PAFAH1B1: variants seen among roughly 807,000 people sequenced by gnomAD.
PAFAH1B1 encodes the protein platelet-activating factor acetylhydrolase IB subunit beta.
Under a neutral mutation model 57.5 loss-of-function variants are expected in PAFAH1B1, and 2 were observed. That is an observed-to-expected ratio of 0.03 (90% CI 0.01 to 0.11). The LOEUF is 0.11. Ranked by LOEUF, PAFAH1B1 falls within the 10% of genes least tolerant of loss-of-function variation. PAFAH1B1 has a pLI of 1.00. For synonymous variants in PAFAH1B1, 152 were observed against 169.6 expected (o/e 0.90, Z 0.81); for missense variants, 257 against 512.0 (o/e 0.50, Z 4.81).
intron 1 of PAFAH1B1, among the ~76,000 whole-genome samples, chr17:2,615,834 T>G (rs1420639065): frequency 6.6e-6 from 1 of 152,154 alleles, no homozygotes; most frequent in African/African-American, 2.4e-5. Flanking sequence ...ACCTAACATG[T>G]TTGATCAGTC....
intron 6 of PAFAH1B1, 125 bp downstream of exon 6, chr17:2,670,456 A>G: frequency 1.1e-6 from 1 of 946,202 alleles, no homozygotes; most frequent in Non-Finnish European, 1.7e-6. Flanking sequence ...GTGGAAGAGC[A>G]TACCATGTAG....
chr17:2,675,675 A>G (rs1159601639), intron 8 of PAFAH1B1, among the ~76,000 whole-genome samples: 1 of 151,588 alleles, frequency 6.6e-6, no homozygotes, highest in African/African-American at 2.4e-5. Flanking sequence ...CTAATGACGG[A>G]AAAAATTTTC....
At chr17:2,655,119 C>T (rs763438516) in intron 2 of PAFAH1B1, among the ~76,000 whole-genome samples, 1 of 150,318 alleles carries the variant, frequency 6.7e-6, no homozygotes, top group East Asian at 1.9e-4. Flanking sequence ...TTTTTTTATT[C>T]TTTGGAAATT....
chr17:2,662,378 TTG>T (rs57918293), intron 2 of PAFAH1B1, among the ~76,000 whole-genome samples: 9,738 of 123,470 alleles, frequency 0.079, 341 homozygotes, highest in East Asian at 0.1. Flanking sequence ...TTTAACCTCT[TTG>T]TGTGTGTGTG....
intron 1 of PAFAH1B1, among the ~76,000 whole-genome samples, chr17:2,594,790 C>G (rs1386651885): frequency 6.6e-6 from 1 of 152,250 alleles, no homozygotes; most frequent in Non-Finnish European, 1.5e-5. Flanking sequence ...TCCCCTTCGT[C>G]TAATCTCATC....
intron 10 of PAFAH1B1, among the ~76,000 whole-genome samples, chr17:2,680,529 A>G (rs1299956548): frequency 2.0e-5 from 3 of 152,174 alleles, no homozygotes; most frequent in African/African-American, 4.8e-5. Context: ...TATAATAAAA[A>G]CATTACTTTC....
At chr17:2,679,468 G>A (rs12947700) in intron 9 of PAFAH1B1, among the ~76,000 whole-genome samples, 1 of 3,026 alleles carries the variant, frequency 3.3e-4, no homozygotes, top group Non-Finnish European at 1.2e-3. Flanking sequence ...TTGGATGGAT[G>A]GATGGATGAT....
At chr17:2,678,644 T>G (rs2069314028) in intron 9 of PAFAH1B1, among the ~76,000 whole-genome samples, 1 of 152,076 alleles carries the variant, frequency 6.6e-6, no homozygotes, top group Non-Finnish European at 1.5e-5. Context: ...TCCCAGGACT[T>G]TGGGAGGCCA....
intron 2 of PAFAH1B1, chr17:2,641,959 T>C (rs2068701105): frequency 6.6e-6 from 1 of 152,218 alleles, no homozygotes; most frequent in Non-Finnish European, 1.5e-5. Context: ...TAGTTTTGGT[T>C]GTTAGCAACA....
chr17:2,597,945 A>T (rs1159542676), intron 1 of PAFAH1B1, among the ~76,000 whole-genome samples: 1 of 152,026 alleles, frequency 6.6e-6, no homozygotes, highest in Non-Finnish European at 1.5e-5. Flanking sequence ...GAAATTGTCA[A>T]CATTAAGATG....
At chr17:2,658,003 T>C (rs3785958) in intron 2 of PAFAH1B1, among the ~76,000 whole-genome samples, 16,619 of 152,266 alleles carry the variant, frequency 0.11, 1,270 homozygotes, top group African/African-American at 0.22. Flanking sequence ...TGACTTTGCC[T>C]TATGAGTTTT....
At position 2,613,581 on chromosome 17, in the gene PAFAH1B1, G is replaced by A. The variant is rs554857059; in HGVS notation, c.-191+19575G>A. 148 of 281,802 alleles carry A rather than the reference G, an allele frequency of 5.3e-4. No individual in the cohort carries two copies. Among genetic ancestry groups the A allele is most frequent in the South Asian group, 3.7e-3 (35 of 9,446 alleles). The allele number at this position is 281,802 out of a possible 1,614,324, so 17.5% of individuals were successfully genotyped here. A position where few individuals can be genotyped will look rare whatever the true frequency, so the allele number is the denominator to read the frequency against. On this transcript the variant is annotated intron_variant, in intron 1 of 10. Transcript: ENST00000397195. ...AGCTTCAACCCCGTGGTGGTCAGCG[G>A]GTGCTCCCCCGTCAGCAGTGGCAGG... is the stretch of plus-strand genomic sequence containing the variant.
intron 2 of PAFAH1B1, among the ~76,000 whole-genome samples, chr17:2,662,838 C>T (rs2069036741): frequency 6.6e-6 from 1 of 152,142 alleles, no homozygotes; most frequent in East Asian, 1.9e-4. Context: ...AGGCCAGGTA[C>T]AGTGGCTAAC....
At chr17:2,623,563 A>G (rs1448141901) in intron 1 of PAFAH1B1, among the ~76,000 whole-genome samples, 2 of 147,200 alleles carry the variant, frequency 1.4e-5, no homozygotes, top group African/African-American at 5.0e-5. Context: ...TGGCCAAAAA[A>G]TGTTGTTTTT....
At chr17:2,594,057 G>GGGCGGCTGCAGGCCGGACCC in intron 1 of PAFAH1B1, 51 bp downstream of exon 1, 1 of 397,960 alleles carries the variant, frequency 2.5e-6, no homozygotes, top group Non-Finnish European at 4.4e-6. Flanking sequence ...CACCGCGCCC[G>GGGCGGCTGCAGGCCGGACCC]GGCGGCTGCA....
At chr17:2,600,209 G>A (rs2068125939) in intron 1 of PAFAH1B1, among the ~76,000 whole-genome samples, 1 of 151,788 alleles carries the variant, frequency 6.6e-6, no homozygotes. Context: ...GCCTCCCAAA[G>A]TGCTGGGATT....
At chr17:2,594,065 G>A (rs973601913) in intron 1 of PAFAH1B1, 59 bp downstream of exon 1, 6 of 397,544 alleles carry the variant, frequency 1.5e-5, no homozygotes, top group African/African-American at 1.0e-4. Flanking sequence ...CCGGGCGGCT[G>A]CAGGCCGGAC....
chr17:2,596,456 G>A (rs1051995404), intron 1 of PAFAH1B1, among the ~76,000 whole-genome samples: 10 of 152,146 alleles, frequency 6.6e-5, no homozygotes, highest in Non-Finnish European at 1.2e-4. Flanking sequence ...TTTCTCTTGT[G>A]TTGCTCTTTG....
intron 9 of PAFAH1B1, 184 bp from the exon 10 acceptor site, chr17:2,679,980 G>A (rs150431949): frequency 1.7e-4 from 105 of 618,790 alleles, no homozygotes; most frequent in Admixed American, 3.2e-4. Flanking sequence ...GTCAGGGATC[G>A]TACGTTATAT....
Sources: allele counts gnomAD v4.1 joint callset (sites outside exome capture counted in the v4.1 genomes callset), GRCh38; gene constraint gnomAD v4.1.1; transcripts MANE v1.5; gene names NCBI Gene and HGNC (gene_info 2026-07-23, HGNC 2026-07-21).